PRKCE: variants seen among roughly 807,000 people sequenced by gnomAD.
PRKCE encodes the protein protein kinase C epsilon.
Under a neutral mutation model 85.4 loss-of-function variants are expected in PRKCE, and 16 were observed. The observed-to-expected ratio is 0.19, with a 90% confidence interval of 0.13 to 0.28. The LOEUF (loss-of-function observed/expected upper bound fraction) is 0.28. PRKCE is among the 10% of genes least tolerant of loss of function. The pLI is 1.00. For missense variants in PRKCE, 573 were observed against 975.2 expected (o/e 0.59, Z 5.49); for synonymous variants, 388 against 371.5 (o/e 1.04, Z -0.51).
chr2:46,150,983 G>A (rs931539536), intron 12 of PRKCE, 58 bp from the exon 13 acceptor site: 82 of 1,499,274 alleles, frequency 5.5e-5, no homozygotes, highest in Non-Finnish European at 6.4e-5. Context: ...TTCGTAGCAC[G>A]GGTGTCACTG....
intron 11 of PRKCE, among the ~76,000 whole-genome samples, chr2:46,091,048 C>T (rs954877246): frequency 1.3e-5 from 2 of 152,078 alleles, no homozygotes; most frequent in African/African-American, 4.8e-5. Flanking sequence ...AGAGCCCAAA[C>T]AGATAGACAC....
intron 3 of PRKCE, among the ~76,000 whole-genome samples, chr2:45,977,771 G>A (rs1207373821): frequency 6.6e-6 from 1 of 152,170 alleles, no homozygotes; most frequent in Non-Finnish European, 1.5e-5. Context: ...GCTAGGAAGT[G>A]TCAGAAGTAT....
chr2:45,661,471 A>T (rs1185069910), intron 1 of PRKCE, among the ~76,000 whole-genome samples: 1 of 147,224 alleles, frequency 6.8e-6, no homozygotes, highest in Non-Finnish European at 1.5e-5. Context: ...AAGAGAAGTG[A>T]GCCACTGCGC....
At chr2:45,686,430 A>G (rs897896546) in intron 1 of PRKCE, 9 of 152,228 alleles carry the variant, frequency 5.9e-5, no homozygotes, top group African/African-American at 2.2e-4. Flanking sequence ...ACAAAAGAGA[A>G]AAAGGTATAC....
At chr2:45,843,670 G>T (rs947166930) in intron 2 of PRKCE, among the ~76,000 whole-genome samples, 1 of 152,208 alleles carries the variant, frequency 6.6e-6, no homozygotes, top group East Asian at 1.9e-4. Context: ...TGAAGGGTTT[G>T]CTGGGTGTTG....
In PRKCE at chr2:46,085,736, G is replaced by GTTTTTTTTTTTT. The variant is rs1170933914; in HGVS notation, c.1438-471_1438-460dup. On this transcript the variant is annotated intron_variant, in intron 10 of 14. Coordinates refer to ENST00000306156, the MANE Select transcript of PRKCE (RefSeq NM_005400.3). ...TCACTTAATTACATCTGCAAAATCC[G>GTTTTTTTTTTTT]TTTTTTTTTTTTGTTTTTGTTTTTT... 4.8e-5 allele frequency among the ~76,000 whole-genome samples: 5 copies of GTTTTTTTTTTTT among 104,574 alleles called. 2 individuals are homozygous for GTTTTTTTTTTTT. Among genetic ancestry groups the GTTTTTTTTTTTT allele is most frequent in the Non-Finnish European group, 5.5e-5 (3 of 54,932 alleles). 68.6% of individuals were successfully genotyped at this position (104,574 alleles called of 152,430 possible).
intron 2 of PRKCE, among the ~76,000 whole-genome samples, chr2:45,856,165 A>C (rs1351596769): frequency 6.6e-6 from 1 of 152,124 alleles, no homozygotes; most frequent in African/African-American, 2.4e-5. Flanking sequence ...GCATGTGTAC[A>C]TAGTATAGTG....
chr2:45,867,808 A>G (rs1228232111), intron 2 of PRKCE, among the ~76,000 whole-genome samples: 2 of 152,074 alleles, frequency 1.3e-5, no homozygotes, highest in Non-Finnish European at 2.9e-5. Flanking sequence ...TGATTTTTGT[A>G]TATTATCCTT....
At chr2:46,163,025 T>C (rs1677931740) in intron 14 of PRKCE, among the ~76,000 whole-genome samples, 1 of 152,194 alleles carries the variant, frequency 6.6e-6, no homozygotes, top group Non-Finnish European at 1.5e-5. Context: ...TCAGAAAGCC[T>C]CAAAAGACTA....
At chr2:45,798,058 G>T (rs1055632407) in intron 1 of PRKCE, among the ~76,000 whole-genome samples, 1 of 152,184 alleles carries the variant, frequency 6.6e-6, no homozygotes, top group African/African-American at 2.4e-5. Flanking sequence ...CCAGGAGCCA[G>T]CTCCTTGGCG....
At chr2:45,668,466 G>A (rs191193836) in intron 1 of PRKCE, among the ~76,000 whole-genome samples, 3 of 152,226 alleles carry the variant, frequency 2.0e-5, no homozygotes, top group East Asian at 3.9e-4. Context: ...CTTTATGTCC[G>A]ACAGTTACTT....
chr2:45,693,544 G>A (rs1320633452), intron 1 of PRKCE, among the ~76,000 whole-genome samples: 4 of 152,334 alleles, frequency 2.6e-5, no homozygotes, highest in African/African-American at 9.6e-5. Context: ...GGAAGGTCGA[G>A]AGGAGATGGT....
intron 11 of PRKCE, among the ~76,000 whole-genome samples, chr2:46,115,906 T>C (rs766351282): frequency 1.3e-5 from 2 of 152,214 alleles, no homozygotes; most frequent in Non-Finnish European, 1.5e-5. Context: ...CTTTTTGATA[T>C]AAGACATACA....
At position 45,711,186 on chromosome 2, in the gene PRKCE, G is replaced by C. The variant is rs1032758533; in HGVS notation, c.348+58738G>C. Among the ~76,000 whole-genome samples, 15 of 152,270 alleles carry C rather than the reference G, an allele frequency of 9.9e-5. 1 individual carries two copies. The highest frequency in any genetic ancestry group is 2.9e-4 in the African/African-American group (12 of 41,536). On this transcript the variant is annotated intron_variant, in intron 1 of 14. Coordinates refer to ENST00000306156, the MANE Select transcript of PRKCE (RefSeq NM_005400.3). ...CACAGGCAAGGTACTTATCCCCTTT[G>C]TGCCTCAGTTTCCTTAGCTATAAAG... is the stretch of plus-strand genomic sequence containing the variant.
chr2:46,169,225 T>C (rs74607207), intron 14 of PRKCE, among the ~76,000 whole-genome samples: 4,647 of 152,272 alleles, frequency 0.031, 90 homozygotes, highest in East Asian at 0.086. Flanking sequence ...CTTCTTACCT[T>C]CCCATTGTTT....
chr2:45,813,160 C>T (rs990414891), intron 1 of PRKCE, among the ~76,000 whole-genome samples: 3 of 152,142 alleles, frequency 2.0e-5, no homozygotes, highest in Non-Finnish European at 4.4e-5. Context: ...TCATCCAGTG[C>T]GCTAATCACC....
At chr2:45,885,002 T>TATTTTTTTTTTTTGTTG (rs1553440407) in intron 2 of PRKCE, among the ~76,000 whole-genome samples, 2 of 97,642 alleles carry the variant, frequency 2.0e-5, no homozygotes, top group Admixed American at 2.3e-4. Context: ...TATATATATA[T>TATTTTTTTTTTTTGTTG]TTGTTGTTGT....
intron 10 of PRKCE, among the ~76,000 whole-genome samples, chr2:46,023,881 T>C (rs1033113669): frequency 2.1e-5 from 2 of 95,810 alleles, no homozygotes; most frequent in African/African-American, 1.4e-4. Flanking sequence ...ATAACAAAAA[T>C]GGCAGGAATT....
chr2:45,884,591 T>G (rs1257381334), intron 2 of PRKCE, among the ~76,000 whole-genome samples: 1 of 152,154 alleles, frequency 6.6e-6, no homozygotes, highest in Non-Finnish European at 1.5e-5. Flanking sequence ...AGCACATGCC[T>G]TGTAAACTGC....
Sources: gnomAD v4.1 joint callset for allele counts (sites outside exome capture counted in the v4.1 genomes callset) on GRCh38, gnomAD v4.1.1 for gene constraint, MANE v1.5 for transcripts, NCBI Gene and HGNC (gene_info 2026-07-23, HGNC 2026-07-21) for gene names.